The following ASPRV1 variants were observed in gnomAD, a reference collection of about 807,000 sequenced individuals.
ASPRV1 encodes the protein aspartic peptidase retroviral like 1.
In ASPRV1, 7 loss-of-function variants were observed where a neutral mutation model predicts 11.0. The ratio of observed to expected loss-of-function variants is 0.64; its 90% CI spans 0.36 to 1.20. The LOEUF is 1.20. ASPRV1 is among the 50% of genes most tolerant of loss of function. The probability of loss-of-function intolerance (pLI) is 0.02; values close to 1 mark genes in which losing one functional copy is unlikely to be tolerated. For missense variants in ASPRV1, 299 were observed against 320.0 expected, an observed-to-expected ratio of 0.93 and a Z score of 0.50; for synonymous variants, 136 against 138.4, an observed-to-expected ratio of 0.98 and a Z score of 0.12.
At chr2:69,981,988 C>T in the ASPRV1 span, among the ~76,000 whole-genome samples, 210 of 152,220 alleles carry the variant, frequency 1.4e-3, no homozygotes, top group African/African-American at 4.9e-3. Flanking sequence ...GTGATCCTAA[C>T]TGCAAATCTC....
the ASPRV1 span, among the ~76,000 whole-genome samples, chr2:70,079,959 T>C: frequency 1.3e-5 from 2 of 152,206 alleles, no homozygotes; most frequent in South Asian, 2.1e-4. Flanking sequence ...CTTTGTCTGG[T>C]TGAAGTAACT....
the ASPRV1 span, among the ~76,000 whole-genome samples, chr2:69,974,758 A>G: frequency 6.6e-6 from 1 of 152,234 alleles, no homozygotes; most frequent in Non-Finnish European, 1.5e-5. Flanking sequence ...GGACAGGAAG[A>G]AGGCTGGGAT....
At chr2:69,997,912 C>T in the ASPRV1 span, 6 of 152,356 alleles carry the variant, frequency 3.9e-5, no homozygotes, top group South Asian at 2.1e-4. Flanking sequence ...TGTGCACTTA[C>T]GTGCACTGCC....
At chr2:69,988,763 C>A in the ASPRV1 span, 1 of 456,448 alleles carries the variant, frequency 2.2e-6, no homozygotes, top group Admixed American at 2.4e-5. Flanking sequence ...TTGCCCCAGA[C>A]GAGAGCTTAT....
the ASPRV1 span, among the ~76,000 whole-genome samples, chr2:70,068,867 C>A: frequency 2.7e-5 from 4 of 150,118 alleles, no homozygotes; most frequent in Admixed American, 6.7e-5. Flanking sequence ...ATCACTTGAA[C>A]CCAGGAGGCG....
the ASPRV1 span, chr2:70,035,044 C>T: frequency 1.3e-5 from 2 of 152,318 alleles, no homozygotes; most frequent in Non-Finnish European, 2.9e-5. Context: ...AGGGCAGGGC[C>T]AGGCTGTGTA....
At chr2:69,945,606 A>G in the ASPRV1 span, among the ~76,000 whole-genome samples, 1 of 152,234 alleles carries the variant, frequency 6.6e-6, no homozygotes, top group Non-Finnish European at 1.5e-5. Context: ...TTTCAGGCAG[A>G]CGGCAGGGCA....
At chr2:70,079,309 C>CA in the ASPRV1 span, among the ~76,000 whole-genome samples, 3,628 of 139,970 alleles carry the variant, frequency 0.026, 317 homozygotes, top group Admixed American at 0.18. Flanking sequence ...CCTGTCTCTA[C>CA]AAAAAAAAAA....
At chr2:70,037,182 G>A in the ASPRV1 span, among the ~76,000 whole-genome samples, 3 of 152,286 alleles carry the variant, frequency 2.0e-5, no homozygotes, top group African/African-American at 7.2e-5. Flanking sequence ...CTAGAGGAGT[G>A]GCTCCCCTTT....
At chr2:70,042,097 GA>G in the ASPRV1 span, among the ~76,000 whole-genome samples, 23,067 of 148,540 alleles carry the variant, frequency 0.16, 2,705 homozygotes, top group East Asian at 0.3. Flanking sequence ...TATTCCTTCA[GA>G]AAAAAAAAAT....
the ASPRV1 span, among the ~76,000 whole-genome samples, chr2:70,033,472 A>G: frequency 1.1e-4 from 17 of 152,058 alleles, no homozygotes; most frequent in Non-Finnish European, 2.4e-4. Context: ...TCCCCCTTAC[A>G]TTATTCAAAA....
At chr2:69,952,526 GGAAAA>G in the ASPRV1 span, among the ~76,000 whole-genome samples, 7 of 120,416 alleles carry the variant, frequency 5.8e-5, no homozygotes, top group South Asian at 7.7e-4. Context: ...GAAAAAGAAA[GGAAAA>G]GAAAAGAAAA....
chr2:70,076,571 TATG>T, the ASPRV1 span, among the ~76,000 whole-genome samples: 1 of 152,208 alleles, frequency 6.6e-6, no homozygotes, highest in African/African-American at 2.4e-5. Flanking sequence ...TTCCTTGACT[TATG>T]ATGAGGTTAC....
At chr2:70,085,038 T>C in the ASPRV1 span, among the ~76,000 whole-genome samples, 1 of 152,250 alleles carries the variant, frequency 6.6e-6, no homozygotes, top group Non-Finnish European at 1.5e-5. Flanking sequence ...AGCTACGTGT[T>C]GCATTGAACT....
chr2:70,059,391 A>T, the ASPRV1 span, among the ~76,000 whole-genome samples: 1 of 150,050 alleles, frequency 6.7e-6, no homozygotes, highest in Admixed American at 6.7e-5. Flanking sequence ...GAGCATAGTG[A>T]GGTAGAAATG....
upstream of ASPRV1, chr2:69,964,503 C>T: frequency 3.2e-6 from 1 of 308,086 alleles, no homozygotes; most frequent in South Asian, 2.6e-5. Context: ...CCTAGAACAG[C>T]CTGGAAGCAC....
At chr2:69,966,450 C>T (rs1413898098), upstream of ASPRV1, among the ~76,000 whole-genome samples, 3 of 152,238 alleles carry the variant, frequency 2.0e-5, no homozygotes, top group South Asian at 2.1e-4. Context: ...AGGAAAGACC[C>T]TATGCAGATT....
chr2:70,081,534 G>A, the ASPRV1 span: 2 of 151,534 alleles, frequency 1.3e-5, no homozygotes, highest in Non-Finnish European at 2.9e-5. Context: ...ATTTCCAACT[G>A]TAGTAACCTA....
the ASPRV1 span, among the ~76,000 whole-genome samples, chr2:69,970,382 C>G: frequency 6.6e-6 from 1 of 152,186 alleles, no homozygotes; most frequent in South Asian, 2.1e-4. Context: ...AAAATAAAAT[C>G]TTGACACCCA....
Sources: allele counts gnomAD v4.1 joint callset (sites outside exome capture counted in the v4.1 genomes callset), GRCh38; gene constraint gnomAD v4.1.1; transcripts MANE v1.5; gene names NCBI Gene and HGNC (gene_info 2026-07-23, HGNC 2026-07-21).